UGGT2: variants seen among roughly 807,000 people sequenced by gnomAD.
The protein encoded by UGGT2 is UDP-glucose glycoprotein glucosyltransferase 2, also known as UDP-glucose:glycoprotein glucosyltransferase 2.
Under a neutral mutation model 192.1 loss-of-function variants are expected in UGGT2, and 180 were observed. The ratio of observed to expected loss-of-function variants is 0.94; its 90% CI spans 0.83 to 1.06. The LOEUF (loss-of-function observed/expected upper bound fraction) is 1.06. Ranked by LOEUF, UGGT2 falls within the 50% of genes least tolerant of loss-of-function variation. The pLI, the probability that UGGT2 is intolerant of heterozygous loss-of-function variation, is 0.00. For synonymous variants in UGGT2, 580 were observed against 591.0 expected, an observed-to-expected ratio of 0.98 and a Z score of 0.27; for missense variants, 1,849 against 1,795.7, an observed-to-expected ratio of 1.03 and a Z score of -0.54.
intron 20 of UGGT2, among the ~76,000 whole-genome samples, chr13:95,905,923 C>A (rs2048277054): frequency 2.0e-5 from 3 of 151,990 alleles, no homozygotes; most frequent in Non-Finnish European, 4.4e-5. Flanking sequence ...CAAAGATTAC[C>A]CTTACTGTTC....
intron 12 of UGGT2, among the ~76,000 whole-genome samples, chr13:95,965,000 T>C (rs1273043298): frequency 6.6e-6 from 1 of 151,792 alleles, no homozygotes; most frequent in African/African-American, 2.4e-5. Context: ...ATGCTCACCA[T>C]CACTGGCCAT....
At chr13:95,912,332 A>T (rs1298623818) in intron 20 of UGGT2, among the ~76,000 whole-genome samples, 3 of 152,216 alleles carry the variant, frequency 2.0e-5, no homozygotes, top group Non-Finnish European at 2.9e-5. Context: ...GTATATTTAG[A>T]AAACCCCATC....
chr13:95,860,468 T>C (rs914823416), intron 32 of UGGT2, among the ~76,000 whole-genome samples: 1 of 150,294 alleles, frequency 6.7e-6, no homozygotes, highest in Non-Finnish European at 1.5e-5. Context: ...TATTTATATA[T>C]ACTTACCTCA....
At chr13:95,974,967 A>G (rs2050890983) in intron 10 of UGGT2, among the ~76,000 whole-genome samples, 1 of 152,034 alleles carries the variant, frequency 6.6e-6, no homozygotes, top group Non-Finnish European at 1.5e-5. Context: ...CTGTAGTCCC[A>G]GTACTCGGGA....
At chr13:95,816,414 A>G (rs1884893517) in intron 38 of UGGT2, among the ~76,000 whole-genome samples, 1 of 152,156 alleles carries the variant, frequency 6.6e-6, no homozygotes, top group Admixed American at 6.5e-5. Context: ...CCCCCATACT[A>G]CTAGGTATTT....
chr13:96,001,445 GCTGACTCTCTTTTCGGA>G (rs2051801262), intron 5 of UGGT2, among the ~76,000 whole-genome samples: 1 of 151,540 alleles, frequency 6.6e-6, no homozygotes, highest in South Asian at 2.1e-4. Context: ...ATCTCCCTTC[GCTGACTCTCTTTTCGGA>G]CTCAGCCCGC....
At chr13:95,928,603 C>T (rs940839367) in intron 17 of UGGT2, among the ~76,000 whole-genome samples, 9 of 151,416 alleles carry the variant, frequency 5.9e-5, no homozygotes, top group African/African-American at 2.2e-4. Flanking sequence ...GACGGGGCGG[C>T]GGGGCAAAGG....
At chr13:95,895,761 T>C (rs2047928011) in intron 22 of UGGT2, among the ~76,000 whole-genome samples, 1 of 152,194 alleles carries the variant, frequency 6.6e-6, no homozygotes, top group South Asian at 2.1e-4. Flanking sequence ...CTCTACACTA[T>C]ATAGACATGA....
At chr13:95,934,285 T>A (rs1376330854) in intron 17 of UGGT2, among the ~76,000 whole-genome samples, 1 of 152,252 alleles carries the variant, frequency 6.6e-6, no homozygotes, top group African/African-American at 2.4e-5. Flanking sequence ...TGGCCAAGCA[T>A]GTGCTTGATC....
chr13:95,955,989 T>C (rs1388326887), intron 12 of UGGT2, among the ~76,000 whole-genome samples: 1 of 152,202 alleles, frequency 6.6e-6, no homozygotes, highest in Non-Finnish European at 1.5e-5. Context: ...ATGAGATAAT[T>C]CATTTTAAAT....
Position 95,985,909 on chromosome 13 carries a change from A to G in UGGT2, c.1031+424T>C, listed in dbSNP as rs148730739. ...TATTCATCCAATTAAGACATTACCA[A>G]TCATTTGGACTCTGAAAGGGTAAGA... On this transcript the variant is annotated intron_variant, in intron 9 of 38. Coordinates refer to ENST00000376747, the MANE Select transcript of UGGT2 (RefSeq NM_020121.4). Among the ~76,000 whole-genome samples, 6 of 152,236 alleles carry G rather than the reference A, an allele frequency of 3.9e-5. No homozygotes were observed. In the East Asian group the frequency reaches 1.2e-3, roughly 29 times the overall value.
chr13:95,988,054 T>C (rs1270749744), intron 8 of UGGT2, among the ~76,000 whole-genome samples: 1 of 152,078 alleles, frequency 6.6e-6, no homozygotes. Context: ...ACTACTGCTG[T>C]GTCAAGCAGC....
At chr13:95,983,367 T>A (rs1242609296) in intron 10 of UGGT2, among the ~76,000 whole-genome samples, 1 of 152,162 alleles carries the variant, frequency 6.6e-6, no homozygotes, top group East Asian at 1.9e-4. Context: ...TAGAATTATT[T>A]GGGGTCTATG....
chr13:95,966,639 A>G (rs2050588612), intron 12 of UGGT2, among the ~76,000 whole-genome samples: 2 of 152,186 alleles, frequency 1.3e-5, no homozygotes, highest in South Asian at 4.1e-4. Flanking sequence ...TACACACCTT[A>G]CATACATAAG....
intron 10 of UGGT2, 128 bp from the exon 11 acceptor site, chr13:95,972,799 T>A: frequency 1.6e-6 from 1 of 633,988 alleles, no homozygotes; most frequent in Non-Finnish European, 2.7e-6. Flanking sequence ...ATACAGTCTC[T>A]GTTGCAATTA....
chr13:95,964,982 A>T (rs1293480719), intron 12 of UGGT2, among the ~76,000 whole-genome samples: 3 of 152,174 alleles, frequency 2.0e-5, no homozygotes. Context: ...CAAAAAACAC[A>T]TGAAAAAATG....
intron 36 of UGGT2, among the ~76,000 whole-genome samples, chr13:95,845,300 T>C (rs961478191): frequency 4.0e-5 from 6 of 148,440 alleles, no homozygotes; most frequent in Non-Finnish European, 7.5e-5. Context: ...AGGTCTCTGG[T>C]TTTCCTAGGC....
At chr13:95,876,262 T>A (rs1034506550) in intron 29 of UGGT2, among the ~76,000 whole-genome samples, 1 of 152,216 alleles carries the variant, frequency 6.6e-6, no homozygotes, top group Non-Finnish European at 1.5e-5. Context: ...ATATAAGATA[T>A]AATGTATACC....
chr13:95,983,743 C>A (rs1407123393), intron 10 of UGGT2, 61 bp downstream of exon 10: 2 of 1,235,966 alleles, frequency 1.6e-6, no homozygotes, highest in Non-Finnish European at 2.3e-6. Context: ...TATTGAAGAT[C>A]CAAAGTCAGA....
Sources: allele counts gnomAD v4.1 joint callset (sites outside exome capture counted in the v4.1 genomes callset), GRCh38; gene constraint gnomAD v4.1.1; transcripts MANE v1.5; gene names NCBI Gene and HGNC (gene_info 2026-07-23, HGNC 2026-07-21).